The following LBP variants were observed in gnomAD, a reference collection of about 807,000 sequenced individuals.
LBP encodes lipopolysaccharide-binding protein.
Under a neutral mutation model 56.6 loss-of-function variants are expected in LBP, and 53 were observed. The observed-to-expected ratio is 0.94, with a 90% CI of 0.75 to 1.18. The LOEUF is 1.18. Ranked by LOEUF, LBP falls within the 50% of genes most tolerant of loss-of-function variation. The probability of loss-of-function intolerance (pLI) is 0.00; values close to 1 mark genes in which losing one functional copy is unlikely to be tolerated. For synonymous variants in LBP, 227 were observed against 247.5 expected, an observed-to-expected ratio of 0.92 and a Z score of 0.78; for missense variants, 601 against 598.3, an observed-to-expected ratio of 1.00 and a Z score of -0.05.
chr20:38,365,096 G>A (rs911687255), intron 8 of LBP, among the ~76,000 whole-genome samples: 5 of 151,732 alleles, frequency 3.3e-5, no homozygotes, highest in Admixed American at 3.3e-4. Context: ...TTAGCCAGGT[G>A]TGGTGGTGTG....
rs2076892421 is a variant in LBP, at chr20:38,369,086, T to G, written c.1073T>G (p.Val358Gly). The G allele has an allele frequency of 1.2e-6, 2 of 1,614,098 alleles. No homozygotes were observed. Among genetic ancestry groups the G allele is most frequent in the African/African-American group, 2.7e-5 (2 of 74,940 alleles). The change falls in exon 10 of 15, where the codon GTG becomes GGG. Residue 358 changes from valine to glycine, a missense_variant. Physicochemically the swap from Val to Gly is moderately radical, Grantham distance 109. Coordinates refer to ENST00000217407, the MANE Select transcript of LBP (RefSeq NM_004139.5). ...AACTTCAGCCCTGGGAATCTGTCTGTGGACCCCTATATGGAGATAGATGCC... is the reference window on the plus strand; with the variant it reads ...AACTTCAGCCCTGGGAATCTGTCTGGGGACCCCTATATGGAGATAGATGCC... The part of the protein sequence containing the change: ...LLNFSPGNLS[V>G]DPYMEIDAFV...
chr20:38,362,516 G>C (rs1048182485), intron 6 of LBP, among the ~76,000 whole-genome samples: 3 of 151,618 alleles, frequency 2.0e-5, no homozygotes, highest in Non-Finnish European at 4.4e-5. Context: ...GGGAGGCTGA[G>C]GCAGGAGAAT....
At chr20:38,358,580 CTGGCAGCTCA>C (rs2122606782) in intron 5 of LBP, among the ~76,000 whole-genome samples, 1 of 152,326 alleles carries the variant, frequency 6.6e-6, no homozygotes, top group South Asian at 2.1e-4. Flanking sequence ...ACCTTGCTTT[CTGGCAGCTCA>C]TCGCTGCTAA....
chr20:38,375,393 C>T (rs1196237272), intron 14 of LBP, among the ~76,000 whole-genome samples: 1 of 151,578 alleles, frequency 6.6e-6, no homozygotes, highest in Non-Finnish European at 1.5e-5. Flanking sequence ...CCAGCCTGGC[C>T]AACATGGTGA....
In LBP at chr20:38,364,019, G is replaced by T. The variant is rs760599110; in HGVS notation, c.697G>T (p.Val233Leu). 6.2e-7 allele frequency: 1 copy of T among 1,614,076 alleles called. No individual in the cohort carries two copies. Among genetic ancestry groups the T allele is most frequent in the Non-Finnish European group, 8.5e-7 (1 of 1,179,954 alleles). ...DSFADIDYSL[V>L]EAPRATAQML... ...TTTCGCCGACATTGATTATAGCTTA[G>T]TGGAAGCCCCTCGGGCAACAGCCCA... Residue 233 changes from valine to leucine, a missense_variant, in exon 7 of 15, where the codon GTG (valine) becomes TTG (leucine). Coordinates refer to ENST00000217407, the MANE Select transcript of LBP (RefSeq NM_004139.5).
At chr20:38,372,993 C>G (rs562459016) in intron 12 of LBP, 79 bp from the exon 13 acceptor site, 2 of 1,223,478 alleles carry the variant, frequency 1.6e-6, no homozygotes, top group Non-Finnish European at 2.4e-6. Flanking sequence ...TTTTCCCAAG[C>G]GTTTTGCTAT....
At chr20:38,354,240 C>T (rs368501201) in intron 3 of LBP, 44 bp from the exon 4 acceptor site, 26 of 1,563,292 alleles carry the variant, frequency 1.7e-5, no homozygotes, top group Non-Finnish European at 2.3e-5. Context: ...TGGTGGCAGA[C>T]CCCTGGTCTA....
At position 38,373,113 on chromosome 20, in the gene LBP, C is replaced by T. The variant is rs1195024437; in HGVS notation, c.1302C>T (p.Asn434=). ...LEALLNYYIL[N]TFYPKFNDKL... is the part of the protein sequence containing the mutation. ...CGCTCCTCAACTATTACATCCTTAA[C>T]ACCTTCTACCCCAAGTTCAATGGTA... Residue 434 remains asparagine, a synonymous_variant, in exon 13 of 15, where the codon AAC becomes AAT. Transcript: ENST00000217407. The T allele has an allele frequency of 6.2e-7, 1 of 1,613,816 alleles. No individual in the cohort carries two copies. Among genetic ancestry groups the T allele is most frequent in the Non-Finnish European group, 8.5e-7 (1 of 1,179,782 alleles).
chr20:38,346,546 C>A lies in LBP; in HGVS notation c.30C>A (p.Ser10=). Residue 10 remains serine, a synonymous_variant, in exon 1 of 15, where the codon TCC becomes TCA. Transcript: ENST00000217407. MGALARALP[S]ILLALLLTST... ...GGGCCTTGGCCAGAGCCCTGCCGTC[C>A]ATACTGCTGGCATTGCTGCTTACGT... 1 of 1,613,784 alleles carries A rather than the reference C, an allele frequency of 6.2e-7. No homozygotes were observed. The highest frequency in any genetic ancestry group is 8.5e-7 in the Non-Finnish European group (1 of 1,179,992).
At chr20:38,366,150 G>A (rs1336519583) in intron 8 of LBP, among the ~76,000 whole-genome samples, 1 of 152,190 alleles carries the variant, frequency 6.6e-6, no homozygotes, top group East Asian at 1.9e-4. Flanking sequence ...GGGAGAAACA[G>A]TGTGGTTCGG....
intron 14 of LBP, among the ~76,000 whole-genome samples, chr20:38,375,863 T>C (rs1159392108): frequency 4.6e-5 from 7 of 152,106 alleles, no homozygotes. Flanking sequence ...GGGGGGATGA[T>C]TAGGGACCTA....
At chr20:38,358,302 T>C (rs1307200186) in intron 5 of LBP, among the ~76,000 whole-genome samples, 1 of 152,160 alleles carries the variant, frequency 6.6e-6, no homozygotes, top group Non-Finnish European at 1.5e-5. Context: ...TGAATCCAAA[T>C]TTACCTGGCT....
chr20:38,376,831 AG>A lies in LBP; in HGVS notation c.*164del, dbSNP rs751687835. On this transcript the variant is annotated 3_prime_UTR_variant, in exon 15 of 15. Transcript: ENST00000217407. Reference sequence around the variant, plus strand: ...TGCCTCCACCCTCCTCCTCTTCACCAGGTGCATGCATGCCCTCTCTGAGTCT... The same window carrying A: ...TGCCTCCACCCTCCTCCTCTTCACCAGTGCATGCATGCCCTCTCTGAGTCT... 1.3e-6 allele frequency: 1 copy of A among 750,132 alleles called. No individual in the cohort carries two copies. The highest frequency in any genetic ancestry group is 2.6e-5 in the East Asian group (1 of 38,696). 46.5% of individuals were successfully genotyped at this position (750,132 alleles called of 1,614,324 possible).
intron 5 of LBP, among the ~76,000 whole-genome samples, chr20:38,356,424 A>T (rs1413786551): frequency 2.6e-4 from 5 of 19,120 alleles, no homozygotes; most frequent in Middle Eastern, 0.045. Context: ...ACACGCGCAC[A>T]CACACACACA....
intron 5 of LBP, among the ~76,000 whole-genome samples, chr20:38,358,143 G>A (rs1033783815): frequency 6.6e-6 from 1 of 152,110 alleles, no homozygotes; most frequent in African/African-American, 2.4e-5. Context: ...TTTTGCCCCT[G>A]TTCTAGATGA....
chr20:38,369,196 T>G (rs1320494211), intron 10 of LBP, 34 bp downstream of exon 10: 1 of 1,574,776 alleles, frequency 6.4e-7, no homozygotes, highest in Non-Finnish European at 8.6e-7. Context: ...TGCTGTTTCC[T>G]TTTCCCCACA....
chr20:38,375,711 A>C (rs574487081), intron 14 of LBP, among the ~76,000 whole-genome samples: 2 of 152,360 alleles, frequency 1.3e-5, no homozygotes, highest in African/African-American at 2.4e-5. Context: ...TTTGTGGTCT[A>C]TCTGTGCTTC....
At position 38,363,959 on chromosome 20, in the gene LBP, C is replaced by A; in HGVS notation, c.653-16C>A. ...GTGTCATCTGGCCCCTAATTCTGCC[C>A]TGTCCTCATTCACAGTTACAACAGA... is the stretch of plus-strand genomic sequence containing the variant. On this transcript the variant is annotated splice_polypyrimidine_tract_variant and intron_variant, in intron 6 of 14. Coordinates refer to ENST00000217407, the MANE Select transcript of LBP (RefSeq NM_004139.5). The A allele has an allele frequency of 6.3e-7, 1 of 1,594,234 alleles. No homozygotes were observed. Among genetic ancestry groups the A allele is most frequent in the Non-Finnish European group, 8.6e-7 (1 of 1,161,996 alleles).
chr20:38,376,307 G>A (rs1249056605), intron 14 of LBP, among the ~76,000 whole-genome samples: 1 of 152,210 alleles, frequency 6.6e-6, no homozygotes, highest in Non-Finnish European at 1.5e-5. Flanking sequence ...AAGAGCAGGA[G>A]AGTACACCCT....
Sources: allele counts gnomAD v4.1 joint callset (sites outside exome capture counted in the v4.1 genomes callset), GRCh38; gene constraint gnomAD v4.1.1; transcripts MANE v1.5; gene names NCBI Gene and HGNC (gene_info 2026-07-23, HGNC 2026-07-21).